The following FECH variants were observed in gnomAD, a reference collection of about 807,000 sequenced individuals.
FECH encodes ferrochelatase, mitochondrial.
In FECH, 40 loss-of-function variants were observed where a neutral mutation model predicts 56.9. The ratio of observed to expected loss-of-function variants is 0.70; its 90% CI spans 0.55 to 0.92. FECH has a LOEUF of 0.92. FECH is among the 40% of genes least tolerant of loss of function. The probability of loss-of-function intolerance (pLI) is 0.00; values close to 1 mark genes in which losing one functional copy is unlikely to be tolerated. For synonymous variants in FECH, 175 were observed against 198.6 expected, an observed-to-expected ratio of 0.88 and a Z score of 1.00; for missense variants, 431 against 529.1, an observed-to-expected ratio of 0.81 and a Z score of 1.82.
At chr18:57,559,108 C>G (rs1292658533) in intron 7 of FECH, 37 bp downstream of exon 7, 1 of 1,353,544 alleles carries the variant, frequency 7.4e-7, no homozygotes, top group African/African-American at 1.4e-5. Flanking sequence ...ACCCAATCCT[C>G]TATCACTAGG....
intron 7 of FECH, among the ~76,000 whole-genome samples, chr18:57,556,756 C>G (rs952606085): frequency 2.0e-5 from 3 of 151,542 alleles, no homozygotes; most frequent in African/African-American, 7.3e-5. Flanking sequence ...TCAAAAAATA[C>G]AAATATTAGC....
chr18:57,559,146 G>T lies in FECH; in HGVS notation c.803C>A (p.Ser268Tyr). 6.2e-7 allele frequency: 1 copy of T among 1,600,224 alleles called. No homozygotes were observed. Among genetic ancestry groups the T allele is most frequent in the South Asian group, 1.1e-5 (1 of 90,752 alleles). ...ATCCCAGAAAATGTTCTTACTTACA[G>T]ACATGGGCAGTGAGTGAGCAGAAAA... ...ILFSAHSLPM[S>Y]VVNRGDPYPQ... The change falls in exon 7 of 11, where the codon TCT becomes TAT. Residue 268 changes from serine to tyrosine, a missense_variant and splice_region_variant. Coordinates refer to ENST00000262093, the MANE Select transcript of FECH (RefSeq NM_000140.5).
chr18:57,584,660 T>C (rs544025395), intron 1 of FECH, among the ~76,000 whole-genome samples: 1 of 151,928 alleles, frequency 6.6e-6, no homozygotes, highest in East Asian at 1.9e-4. Context: ...TATGCACCGT[T>C]TTTAAAATTA....
At chr18:57,566,417 AC>A in intron 5 of FECH, 29 bp downstream of exon 5, 1 of 1,613,992 alleles carries the variant, frequency 6.2e-7, no homozygotes, top group South Asian at 1.1e-5. Flanking sequence ...CACCGTATCT[AC>A]CTTTCCACTG....
intron 4 of FECH, among the ~76,000 whole-genome samples, chr18:57,569,567 C>T (rs1568149788): frequency 1.3e-5 from 2 of 152,094 alleles, no homozygotes; most frequent in African/African-American, 2.4e-5. Flanking sequence ...GCAGCCTCAC[C>T]GGAGACAGGA....
chr18:57,552,554 C>T (rs1426409260), intron 9 of FECH, among the ~76,000 whole-genome samples: 2 of 151,974 alleles, frequency 1.3e-5, no homozygotes, highest in Non-Finnish European at 2.9e-5. Flanking sequence ...GCACGTACCA[C>T]CACGCTTAGC....
In FECH at chr18:57,574,238, C is replaced by T. The variant is rs768077507; in HGVS notation, c.195-873G>A. Among the ~76,000 whole-genome samples, 61 of 152,274 alleles carry T rather than the reference C, an allele frequency of 4.0e-4. 1 individual carries two copies. The highest frequency in any genetic ancestry group is 2.0e-3 in the Admixed American group (30 of 15,294). The stretch of plus-strand genomic sequence containing the variant: ...CAAAATCCTGACGTCAGGAGCCTGC[C>T]TCGGCCTCCCAAAGTGCTGGGATTA... On this transcript the variant is annotated intron_variant, in intron 2 of 10. Coordinates refer to ENST00000262093, the MANE Select transcript of FECH (RefSeq NM_000140.5).
chr18:57,548,610 G>A lies in FECH; in HGVS notation c.*2102C>T, dbSNP rs1384600777. 1 of 152,200 alleles carries A rather than the reference G, an allele frequency of 6.6e-6. No homozygotes were observed. Among genetic ancestry groups the A allele is most frequent in the East Asian group, 1.9e-4 (1 of 5,200 alleles). 9.4% of individuals were successfully genotyped at this position (152,200 alleles called of 1,614,324 possible). ...ATTCTCAAAGCTCTAAAAAGATTTT[G>A]TCCTACCAAACACTAGCCTAATGTA... On this transcript the variant is annotated 3_prime_UTR_variant, in exon 11 of 11. Transcript: ENST00000262093.
At chr18:57,568,886 C>T (rs1312222406) in intron 4 of FECH, among the ~76,000 whole-genome samples, 1 of 152,160 alleles carries the variant, frequency 6.6e-6, no homozygotes, top group African/African-American at 2.4e-5. Context: ...AAAAAGCTCA[C>T]GTATATTGAA....
At chr18:57,559,890 G>C (rs1482964116) in intron 6 of FECH, among the ~76,000 whole-genome samples, 1 of 152,118 alleles carries the variant, frequency 6.6e-6, no homozygotes, top group Non-Finnish European at 1.5e-5. Context: ...GAAAGAACAT[G>C]GTTCCTGCCT....
intron 9 of FECH, among the ~76,000 whole-genome samples, chr18:57,552,932 G>A (rs2050817981): frequency 6.6e-6 from 1 of 152,080 alleles, no homozygotes; most frequent in Non-Finnish European, 1.5e-5. Context: ...GAAATTCCAT[G>A]TGCACCTGTA....
At chr18:57,584,653 G>T (rs564818683) in intron 1 of FECH, among the ~76,000 whole-genome samples, 72 of 151,718 alleles carry the variant, frequency 4.7e-4, no homozygotes, top group African/African-American at 1.7e-3. Flanking sequence ...TATAAAATAT[G>T]CACCGTTTTT....
At chr18:57,550,981 C>A in intron 10 of FECH, 135 bp from the exon 11 acceptor site, 2 of 1,008,654 alleles carry the variant, frequency 2.0e-6, no homozygotes, top group Non-Finnish European at 3.0e-6. Flanking sequence ...CCCTTTGAAC[C>A]AAATTCTACA....
rs755969253 is a variant in FECH at position 57,562,909 on chromosome 18, T to C, written c.670A>G (p.Ile224Val). ...GRKPTMKWST[I>V]DRWPTHHLLI... ...AGGTGATGTGTGGGCCACCTGTCAA[T>C]AGTGCTCCACTTCATCGTGGGCTTC... is the stretch of plus-strand genomic sequence containing the variant. The change falls in exon 6 of 11, where the codon ATT (isoleucine) becomes GTT (valine). Residue 224 changes from isoleucine (I) to valine (V), a missense_variant. Transcript: ENST00000262093. 2 of 1,614,130 alleles carry C rather than the reference T, an allele frequency of 1.2e-6. No individual in the cohort carries two copies. The highest frequency in any genetic ancestry group is 1.7e-6 in the Non-Finnish European group (2 of 1,180,014).
intron 2 of FECH, among the ~76,000 whole-genome samples, chr18:57,576,556 A>G (rs2051188156): frequency 6.6e-6 from 1 of 152,174 alleles, no homozygotes; most frequent in South Asian, 2.1e-4. Flanking sequence ...CCTCAGGCTA[A>G]AAGACTTACC....
In FECH at chr18:57,545,020, T is replaced by G. The variant is rs2050701612; in HGVS notation, c.*5692A>C. ...AGGAAAAGGTAAAAATACAGAATAC[T>G]ACATGGATTATCAAGGTTAAATCTA... On this transcript the variant is annotated 3_prime_UTR_variant, in exon 11 of 11. Coordinates refer to ENST00000262093, the MANE Select transcript of FECH (RefSeq NM_000140.5). Among the ~76,000 whole-genome samples, 1 of 152,174 alleles carries G rather than the reference T, an allele frequency of 6.6e-6. No homozygotes were observed. The highest frequency in any genetic ancestry group is 2.4e-5 in the African/African-American group (1 of 41,438).
At position 57,572,038 on chromosome 18, in the gene FECH, C is replaced by T. The variant is rs188710457; in HGVS notation, c.315-498G>A. Among the ~76,000 whole-genome samples, 223 of 152,284 alleles carry T rather than the reference C, an allele frequency of 1.5e-3. 2 individuals are homozygous for T. Among genetic ancestry groups the T allele is most frequent in the African/African-American group, 5.3e-3 (219 of 41,556 alleles). ...TGTCCACCATGAAGCATGGATTAAA[C>T]AAATTAAGTTACAGCCATATGATGC... is the stretch of plus-strand genomic sequence containing the variant. On this transcript the variant is annotated intron_variant, in intron 3 of 10. Coordinates refer to ENST00000262093, the MANE Select transcript of FECH (RefSeq NM_000140.5).
chr18:57,564,625 A>G (rs2050992805), intron 5 of FECH, among the ~76,000 whole-genome samples: 1 of 152,224 alleles, frequency 6.6e-6, no homozygotes, highest in South Asian at 2.1e-4. Context: ...CCAAAAAGAT[A>G]AACAGGTTCA....
At chr18:57,573,643 G>A (rs2051146155) in intron 2 of FECH, among the ~76,000 whole-genome samples, 1 of 152,186 alleles carries the variant, frequency 6.6e-6, no homozygotes, top group South Asian at 2.1e-4. Context: ...GGCCTGAAGA[G>A]AGATCGAACC....
Sources: allele counts gnomAD v4.1 joint callset (sites outside exome capture counted in the v4.1 genomes callset), GRCh38; gene constraint gnomAD v4.1.1; transcripts MANE v1.5; gene names NCBI Gene and HGNC (gene_info 2026-07-23, HGNC 2026-07-21).